The following KIAA0319L variants were observed in gnomAD, a reference collection of about 807,000 sequenced individuals.
The protein encoded by KIAA0319L is dyslexia-associated protein KIAA0319-like protein.
KIAA0319L carries 55 observed loss-of-function variants against 120.1 expected under a neutral mutation model. The ratio of observed to expected loss-of-function variants is 0.46; its 90% confidence interval spans 0.37 to 0.57. KIAA0319L has a LOEUF of 0.57. Ranked by LOEUF, KIAA0319L falls within the 20% of genes least tolerant of loss-of-function variation. KIAA0319L has a pLI of 0.00. For synonymous variants in KIAA0319L, 398 were observed against 471.9 expected, an observed-to-expected ratio of 0.84 and a Z score of 2.03; for missense variants, 1,049 against 1,255.3, an observed-to-expected ratio of 0.84 and a Z score of 2.48.
Position 35,547,732 on chromosome 1 carries a change from G to A in KIAA0319L, c.142+6618C>T, listed in dbSNP as rs1298601814. ...AGATTTGTGGTTTCTAGTAGCTGGG[G>A]GAGGAGAGGATAGGGAGTGACTGCT... On this transcript the variant is annotated intron_variant, in intron 2 of 20. Transcript: ENST00000325722. Among the ~76,000 whole-genome samples, 4 of 152,318 alleles carry A rather than the reference G, an allele frequency of 2.6e-5. No individual in the cohort carries two copies. The East Asian group carries it at 5.8e-4, about 22-fold the overall frequency.
At chr1:35,477,484 G>A (rs984982480) in intron 4 of KIAA0319L, among the ~76,000 whole-genome samples, 14 of 152,134 alleles carry the variant, frequency 9.2e-5, no homozygotes, top group South Asian at 2.1e-4. Flanking sequence ...TGGCTAACAC[G>A]GTGAAACCGC....
chr1:35,453,760 CAT>C lies in KIAA0319L; in HGVS notation c.1781-73_1781-72del, dbSNP rs1642231824. On this transcript the variant is annotated intron_variant, in intron 11 of 20. Coordinates refer to ENST00000325722, the MANE Select transcript of KIAA0319L (RefSeq NM_024874.5). This position sits in a 1 kb window ranked among gnomAD's most constrained non-coding sequence, Gnocchi z 4.1. ...GAAAGGAGAGGAACCAATTGGGACA[CAT>C]GTTCTGGAAGCCATGGACTCTGCCT... 6.7e-7 allele frequency: 1 copy of C among 1,489,156 alleles called. No homozygotes were observed. Among genetic ancestry groups the C allele is most frequent in the Non-Finnish European group, 9.1e-7 (1 of 1,098,576 alleles). The allele number at this position is 1,489,156 out of a possible 1,614,324, so 92.2% of individuals were successfully genotyped here.
At chr1:35,501,576 A>G (rs1236439080) in intron 3 of KIAA0319L, among the ~76,000 whole-genome samples, 5 of 152,146 alleles carry the variant, frequency 3.3e-5, no homozygotes, top group Admixed American at 2.6e-4. Context: ...GTAAGAAAGG[A>G]CAGGCCAGTA....
chr1:35,496,146 ATGG>A (rs1420095149), intron 3 of KIAA0319L, among the ~76,000 whole-genome samples: 1 of 151,538 alleles, frequency 6.6e-6, no homozygotes, highest in African/African-American at 2.4e-5. Context: ...TAGGCCGGTT[ATGG>A]TGGCTCACGC....
chr1:35,499,849 T>C (rs1285042852), intron 3 of KIAA0319L, among the ~76,000 whole-genome samples: 1 of 150,798 alleles, frequency 6.6e-6, no homozygotes, highest in African/African-American at 2.4e-5. Flanking sequence ...GAAACAGCAC[T>C]GCTTAGGTTT....
chr1:35,473,272 A>G (rs1356848974), intron 5 of KIAA0319L, among the ~76,000 whole-genome samples: 1 of 148,858 alleles, frequency 6.7e-6, no homozygotes, highest in Non-Finnish European at 1.5e-5. Flanking sequence ...ATTTTTTTGT[A>G]TTTTTGGTAG....
intron 19 of KIAA0319L, among the ~76,000 whole-genome samples, chr1:35,441,969 C>G (rs977433049): frequency 1.3e-5 from 2 of 152,170 alleles, no homozygotes; most frequent in Non-Finnish European, 2.9e-5. Flanking sequence ...CTGGCCCTCA[C>G]GCTCACTCCC....
Position 35,434,647 on chromosome 1 carries a change from GGAGGCCCT to G in KIAA0319L, c.*239_*246del, listed in dbSNP as rs112521861. ...GGGAGGGGAGGAGTTTGCAAAAAAA[GGAGGCCCT>G]GAGGTGAGGATATCTGGGGGCCCAC... On this transcript the variant is annotated 3_prime_UTR_variant, in exon 21 of 21. Transcript: ENST00000325722. 4.0e-3 allele frequency: 1,891 copies of G among 474,372 alleles called. 27 individuals carry two copies. Among genetic ancestry groups the G allele is most frequent in the African/African-American group, 0.021 (1,051 of 50,418 alleles). The allele number at this position is 474,372 out of a possible 1,614,324, so 29.4% of individuals were successfully genotyped here. A position where few individuals can be genotyped will look rare whatever the true frequency, so the allele number is the denominator to read the frequency against.
intron 3 of KIAA0319L, among the ~76,000 whole-genome samples, chr1:35,481,686 TTATG>T (rs1644170346): frequency 6.6e-6 from 1 of 152,132 alleles, no homozygotes; most frequent in Non-Finnish European, 1.5e-5. Flanking sequence ...TGATAAATTT[TTATG>T]TATGTATACA....
chr1:35,526,130 A>G (rs906158228), intron 2 of KIAA0319L, among the ~76,000 whole-genome samples: 3 of 151,922 alleles, frequency 2.0e-5, no homozygotes, highest in Admixed American at 2.0e-4. Flanking sequence ...ACCTCTGTCA[A>G]AAATCAATTG....
At chr1:35,487,346 C>T (rs1278481868) in intron 3 of KIAA0319L, among the ~76,000 whole-genome samples, 1 of 152,032 alleles carries the variant, frequency 6.6e-6, no homozygotes, top group African/African-American at 2.4e-5. Context: ...CCTCTGCCTC[C>T]TGGCTTCAAG....
At chr1:35,492,241 C>T (rs115820644) in intron 3 of KIAA0319L, among the ~76,000 whole-genome samples, 8 of 152,044 alleles carry the variant, frequency 5.3e-5, no homozygotes, top group East Asian at 1.9e-4. Context: ...CCAAGCTGGG[C>T]GCGGAGGCTC....
intron 2 of KIAA0319L, among the ~76,000 whole-genome samples, chr1:35,552,390 A>G (rs1235513257): frequency 6.6e-6 from 1 of 152,134 alleles, no homozygotes; most frequent in Non-Finnish European, 1.5e-5. Context: ...TATGGTTGGA[A>G]GGCAGAGTAC....
At chr1:35,525,393 G>A (rs1646085456) in intron 2 of KIAA0319L, among the ~76,000 whole-genome samples, 1 of 152,084 alleles carries the variant, frequency 6.6e-6, no homozygotes, top group Non-Finnish European at 1.5e-5. Context: ...TCATATAGTA[G>A]TTCTATCTTT....
intron 7 of KIAA0319L, among the ~76,000 whole-genome samples, chr1:35,464,779 C>T (rs183262546): frequency 1.3e-3 from 196 of 152,324 alleles, no homozygotes; most frequent in Non-Finnish European, 2.5e-3. Flanking sequence ...GGGCCAGGCC[C>T]AGGTTCTCAG....
intron 2 of KIAA0319L, among the ~76,000 whole-genome samples, chr1:35,514,233 A>G (rs1309370497): frequency 6.6e-6 from 1 of 152,186 alleles, no homozygotes; most frequent in Admixed American, 6.6e-5. Flanking sequence ...GCTAAATATA[A>G]AAGTGCACAC....
intron 3 of KIAA0319L, among the ~76,000 whole-genome samples, chr1:35,499,136 C>T (rs1208668417): frequency 6.6e-6 from 1 of 152,176 alleles, no homozygotes; most frequent in Non-Finnish European, 1.5e-5. Context: ...GTGGTGTTAA[C>T]AAGAGATGGT....
At chr1:35,477,179 C>T (rs1338683890) in intron 4 of KIAA0319L, among the ~76,000 whole-genome samples, 1 of 152,100 alleles carries the variant, frequency 6.6e-6, no homozygotes, top group African/African-American at 2.4e-5. Flanking sequence ...TCTGCAAACT[C>T]CCCATTTGAC....
chr1:35,557,300 T>G lies in KIAA0319L; in HGVS notation c.-122A>C, dbSNP rs932181661. ...CGGGGACCCCCAACCTTCGCTCCCC[T>G]CACCCGGAGGAGGAGGAGGAAGAGG... On this transcript the variant is annotated 5_prime_UTR_variant, in exon 1 of 21. Transcript: ENST00000325722. 9.2e-6 allele frequency: 2 copies of G among 217,128 alleles called. No homozygotes were observed. The highest frequency in any genetic ancestry group is 5.7e-5 in the Admixed American group (1 of 17,510). 13.5% of individuals were successfully genotyped at this position (217,128 alleles called of 1,614,324 possible).
Sources: gnomAD v4.1 joint callset for allele counts (sites outside exome capture counted in the v4.1 genomes callset) on GRCh38, gnomAD v4.1.1 for gene constraint, Gnocchi (gnomAD v3.1) non-coding constraint, MANE v1.5 for transcripts, NCBI Gene and HGNC (gene_info 2026-07-23, HGNC 2026-07-21) for gene names.